Variants in WIPF3 observed in about 807,000 individuals in gnomAD.
WIPF3 encodes WAS/WASL interacting protein family member 3.
In WIPF3, 33 loss-of-function variants were observed where a neutral mutation model predicts 38.9. That is an observed-to-expected ratio of 0.85 (90% CI 0.64 to 1.14). The LOEUF (loss-of-function observed/expected upper bound fraction) is 1.14. Ranked by LOEUF, WIPF3 falls within the 50% of genes most tolerant of loss-of-function variation. The pLI is 0.00. For missense variants in WIPF3, 711 were observed against 652.5 expected (o/e 1.09, Z -0.98); for synonymous variants, 324 against 269.3 (o/e 1.20, Z -1.99).
At chr7:29,888,881 C>T (rs916422945) in intron 6 of WIPF3, among the ~76,000 whole-genome samples, 8 of 152,188 alleles carry the variant, frequency 5.3e-5, no homozygotes, top group African/African-American at 1.9e-4. Flanking sequence ...AGTCATTCTG[C>T]CCACCTCTCC....
intron 2 of WIPF3, among the ~76,000 whole-genome samples, chr7:29,856,031 A>G (rs1785182566): frequency 1.3e-5 from 2 of 152,188 alleles, no homozygotes; most frequent in Admixed American, 1.3e-4. Context: ...TGTGTTTCTT[A>G]GATATGTATG....
intron 2 of WIPF3, among the ~76,000 whole-genome samples, chr7:29,849,491 C>G (rs750564894): frequency 1.1e-4 from 16 of 152,190 alleles, no homozygotes; most frequent in Non-Finnish European, 2.4e-4. Context: ...ATTATTAAAT[C>G]AAAAGTTCCC....
chr7:29,886,502 G>A (rs1414844047), intron 5 of WIPF3, among the ~76,000 whole-genome samples: 3 of 151,812 alleles, frequency 2.0e-5, no homozygotes, highest in South Asian at 4.2e-4. Context: ...GGTTACAGGC[G>A]TGCACCACCA....
chr7:29,873,563 C>A (rs966792892), intron 2 of WIPF3, among the ~76,000 whole-genome samples: 4 of 152,148 alleles, frequency 2.6e-5, no homozygotes, highest in Non-Finnish European at 5.9e-5. Flanking sequence ...AAAATGAACT[C>A]ATGATATTAA....
At position 29,877,822 on chromosome 7, in the gene WIPF3, AT is replaced by A. The variant is rs371638967; in HGVS notation, c.224-1185del. On this transcript the variant is annotated intron_variant, in intron 3 of 8. Coordinates refer to ENST00000242140, the MANE Select transcript of WIPF3 (RefSeq NM_001080529.3). ...CATTTCATGTTTAGACTTGGGTCCC[AT>A]TCCCCAAGATATCGCATTATGTATA... 8.5e-5 allele frequency among the ~76,000 whole-genome samples: 13 copies of A among 152,346 alleles called. No individual in the cohort carries two copies. The East Asian group carries it at 1.3e-3, about 16-fold the overall frequency.
chr7:29,898,324 G>A (rs1260854759), intron 7 of WIPF3, among the ~76,000 whole-genome samples: 2 of 151,996 alleles, frequency 1.3e-5, no homozygotes, highest in Non-Finnish European at 2.9e-5. Context: ...CAGTGAACTC[G>A]GGTGTCTCTC....
intron 8 of WIPF3, chr7:29,905,137 C>G (rs1269825779): frequency 6.6e-6 from 1 of 152,168 alleles, no homozygotes; most frequent in Non-Finnish European, 1.5e-5. Flanking sequence ...AAGGAAGAGG[C>G]TAGGTTCCTG....
intron 2 of WIPF3, among the ~76,000 whole-genome samples, chr7:29,854,074 G>A (rs1030395309): frequency 7.2e-5 from 11 of 152,300 alleles, no homozygotes; most frequent in Non-Finnish European, 1.3e-4. Context: ...TTGCCTTGCC[G>A]TTCCTGGCAT....
chr7:29,861,050 A>G (rs1044230786), intron 2 of WIPF3, among the ~76,000 whole-genome samples: 2 of 152,176 alleles, frequency 1.3e-5, no homozygotes, highest in African/African-American at 4.8e-5. Context: ...GGGGCTGCAC[A>G]CTAAGCTCGT....
At chr7:29,867,303 G>C (rs1468671519) in intron 2 of WIPF3, among the ~76,000 whole-genome samples, 1 of 152,150 alleles carries the variant, frequency 6.6e-6, no homozygotes, top group Admixed American at 6.5e-5. Flanking sequence ...TTGAGGTTTC[G>C]AGCCTGGATG....
intron 8 of WIPF3, among the ~76,000 whole-genome samples, chr7:29,910,659 A>G (rs930169980): frequency 3.3e-5 from 5 of 152,024 alleles, no homozygotes; most frequent in African/African-American, 1.2e-4. Context: ...GGATGAAGGG[A>G]AAAAAACACA....
Position 29,891,081 on chromosome 7 carries a change from A to G in WIPF3, c.1351+1674A>G, listed in dbSNP as rs150188441. 9.1e-3 allele frequency among the ~76,000 whole-genome samples: 844 copies of G among 92,696 alleles called. 45 individuals are homozygous for G. The highest frequency in any genetic ancestry group is 0.04 in the Middle Eastern group (4 of 100). 60.8% of individuals were successfully genotyped at this position (92,696 alleles called of 152,430 possible). A position where few individuals can be genotyped will look rare whatever the true frequency, so the allele number is the denominator to read the frequency against. ...CCTTGTGCTCAGGTGTGGTGAACAC[A>G]GGCCTTCCCTGTGCTCAGGTCGGGG... On this transcript the variant is annotated intron_variant, in intron 7 of 8. Coordinates refer to ENST00000242140, the MANE Select transcript of WIPF3 (RefSeq NM_001080529.3).
chr7:29,809,948 G>T (rs910035220), intron 1 of WIPF3, among the ~76,000 whole-genome samples: 25 of 152,254 alleles, frequency 1.6e-4, no homozygotes, highest in African/African-American at 3.4e-4. Flanking sequence ...AGAGTGCCAG[G>T]CCTGCACATG....
chr7:29,833,733 G>A (rs918943766), intron 1 of WIPF3, among the ~76,000 whole-genome samples: 2 of 152,180 alleles, frequency 1.3e-5, no homozygotes, highest in Non-Finnish European at 2.9e-5. Flanking sequence ...CAAAGGGACA[G>A]CAGGAATACA....
intron 1 of WIPF3, 129 bp downstream of exon 1, chr7:29,806,807 G>C (rs926518272): frequency 1.3e-5 from 2 of 151,594 alleles, no homozygotes; most frequent in African/African-American, 2.4e-5. Flanking sequence ...GAGGGCGTGG[G>C]AGGGCCGGGG....
chr7:29,904,167 G>C, intron 7 of WIPF3, 119 bp from the exon 8 acceptor site: 1 of 880,970 alleles, frequency 1.1e-6, no homozygotes, highest in East Asian at 2.5e-5. Flanking sequence ...AGACAGTCTA[G>C]GGCCAGGATC....
intron 2 of WIPF3, among the ~76,000 whole-genome samples, chr7:29,863,887 T>G (rs1785342823): frequency 6.6e-6 from 1 of 152,208 alleles, no homozygotes; most frequent in South Asian, 2.1e-4. Context: ...GTATATAGTT[T>G]TGTGTACTGA....
At position 29,901,571 on chromosome 7, in the gene WIPF3, G is replaced by A. The variant is rs1053929155; in HGVS notation, c.1352-2715G>A. Reference sequence around the variant, plus strand: ...TTTGGGAGGCTGAGGTGGGCGGATCGCTTGAGCTCAGGAGTTCAAGACCAT... The same window carrying A: ...TTTGGGAGGCTGAGGTGGGCGGATCACTTGAGCTCAGGAGTTCAAGACCAT... On this transcript the variant is annotated intron_variant, in intron 7 of 8. Transcript: ENST00000242140. Among the ~76,000 whole-genome samples, 12 of 151,750 alleles carry A rather than the reference G, an allele frequency of 7.9e-5. No homozygotes were observed. In the East Asian group the frequency reaches 9.7e-4, roughly 12 times the overall value.
At chr7:29,813,029 T>C (rs1784403513) in intron 1 of WIPF3, among the ~76,000 whole-genome samples, 1 of 152,220 alleles carries the variant, frequency 6.6e-6, no homozygotes, top group African/African-American at 2.4e-5. Context: ...TTAAAATCTA[T>C]TCTCTCTGCT....
Sources: allele counts gnomAD v4.1 joint callset (sites outside exome capture counted in the v4.1 genomes callset), GRCh38; gene constraint gnomAD v4.1.1; transcripts MANE v1.5; gene names NCBI Gene and HGNC (gene_info 2026-07-23, HGNC 2026-07-21).